Variants in NTNG1 observed in about 807,000 individuals in gnomAD.
NTNG1 encodes netrin-G1.
A neutral mutation model predicts 54.0 loss-of-function variants in NTNG1; 16 were observed. The ratio of observed to expected loss-of-function variants is 0.30; its 90% confidence interval spans 0.20 to 0.45. NTNG1 has a LOEUF of 0.45. Among genes scored for constraint, NTNG1 ranks in the 20% least tolerant of loss-of-function variants. The pLI, the probability that NTNG1 is intolerant of heterozygous loss-of-function variation, is 1.00. For synonymous variants in NTNG1, 255 were observed against 263.1 expected (o/e 0.97, Z 0.30); for missense variants, 530 against 678.7 (o/e 0.78, Z 2.43).
chr1:107,320,214 G>A (rs1667575271), intron 2 of NTNG1, among the ~76,000 whole-genome samples: 1 of 152,006 alleles, frequency 6.6e-6, no homozygotes, highest in Admixed American at 6.6e-5. Context: ...ATTTGTTAGT[G>A]GTGTAAATAT....
rs963740404 is a variant in NTNG1, at chr1:107,481,258, T to G, written c.*418T>G. The G allele has an allele frequency of 5.5e-6, 1 of 181,626 alleles. No homozygotes were observed. 11.3% of individuals were successfully genotyped at this position (181,626 alleles called of 1,614,324 possible). The stretch of plus-strand genomic sequence containing the variant: ...CCAAATAGCATTCTTTGCTGTCAGG[T>G]GCATTGTGGGCATAAGGAAATCTGT... On this transcript the variant is annotated 3_prime_UTR_variant, in exon 8 of 8. Transcript: ENST00000370068.
chr1:107,217,021 G>T (rs1660012344), intron 2 of NTNG1, among the ~76,000 whole-genome samples: 1 of 152,120 alleles, frequency 6.6e-6, no homozygotes, highest in South Asian at 2.1e-4. Context: ...AATAGGATTG[G>T]TACCAGTTTT....
At chr1:107,155,236 T>C (rs902126995) in intron 2 of NTNG1, among the ~76,000 whole-genome samples, 1 of 151,966 alleles carries the variant, frequency 6.6e-6, no homozygotes, top group African/African-American at 2.4e-5. Flanking sequence ...TGAGGACTAG[T>C]GTTATCACCA....
intron 7 of NTNG1, among the ~76,000 whole-genome samples, chr1:107,453,332 A>G (rs778339571): frequency 3.3e-5 from 5 of 152,218 alleles, no homozygotes; most frequent in African/African-American, 4.8e-5. Context: ...ACAGAAAATA[A>G]TGTTCCTCTA....
At chr1:107,465,907 C>T (rs1677575697) in intron 7 of NTNG1, among the ~76,000 whole-genome samples, 1 of 152,112 alleles carries the variant, frequency 6.6e-6, no homozygotes, top group South Asian at 2.1e-4. Flanking sequence ...ATGTTTCTGG[C>T]CTTTTAATTA....
chr1:107,388,925 A>T (rs11577034), intron 3 of NTNG1, among the ~76,000 whole-genome samples: 34,171 of 152,006 alleles, frequency 0.22, 4,097 homozygotes, highest in Middle Eastern at 0.25. Flanking sequence ...AAGCTCCAAT[A>T]TTTGTGCTAA....
intron 6 of NTNG1, 88 bp from the exon 7 acceptor site, chr1:107,436,577 A>AT (rs1557998707): frequency 1.9e-6 from 2 of 1,054,920 alleles, no homozygotes; most frequent in East Asian, 5.5e-5. Context: ...TAAGTAAGTG[A>AT]TGCATTTAAG....
At chr1:107,469,344 A>T (rs1379514256) in intron 7 of NTNG1, among the ~76,000 whole-genome samples, 1 of 152,128 alleles carries the variant, frequency 6.6e-6, no homozygotes, top group African/African-American at 2.4e-5. Flanking sequence ...CAAGTTTTCC[A>T]TGTGTTAGTT....
chr1:107,178,216 T>G (rs1656790845), intron 2 of NTNG1, among the ~76,000 whole-genome samples: 1 of 152,196 alleles, frequency 6.6e-6, no homozygotes, highest in Non-Finnish European at 1.5e-5. Flanking sequence ...TATAATTTTA[T>G]TTTATTTTGC....
At chr1:107,165,308 C>G (rs1655706875) in intron 2 of NTNG1, among the ~76,000 whole-genome samples, 1 of 152,100 alleles carries the variant, frequency 6.6e-6, no homozygotes, top group Admixed American at 6.5e-5. Flanking sequence ...TGAAGAGAAA[C>G]TTGGAATTCA....
At chr1:107,160,527 T>C (rs1204335788) in intron 2 of NTNG1, among the ~76,000 whole-genome samples, 1 of 152,116 alleles carries the variant, frequency 6.6e-6, no homozygotes, top group Non-Finnish European at 1.5e-5. Context: ...TAAGCTATTA[T>C]AAAATAGAGA....
intron 2 of NTNG1, 103 bp from the exon 3 acceptor site, chr1:107,324,179 A>ATT: frequency 4.0e-6 from 4 of 997,958 alleles, no homozygotes; most frequent in Non-Finnish European, 6.0e-6. Context: ...CTGAAAACAG[A>ATT]TTTTTTTTTT....
At chr1:107,273,432 G>A (rs1664273960) in intron 2 of NTNG1, among the ~76,000 whole-genome samples, 1 of 152,222 alleles carries the variant, frequency 6.6e-6, no homozygotes, top group South Asian at 2.1e-4. Context: ...GCCTTTGAAA[G>A]TGCAAAATGT....
intron 2 of NTNG1, among the ~76,000 whole-genome samples, chr1:107,220,244 G>A (rs996036230): frequency 6.6e-6 from 1 of 152,190 alleles, no homozygotes; most frequent in Non-Finnish European, 1.5e-5. Context: ...CAGGCAGCTG[G>A]TGGTCAGAGC....
intron 2 of NTNG1, among the ~76,000 whole-genome samples, chr1:107,224,591 T>C (rs1204913430): frequency 6.6e-6 from 1 of 152,056 alleles, no homozygotes; most frequent in African/African-American, 2.4e-5. Flanking sequence ...TTGAGTAGCT[T>C]CTTTTGTGGT....
intron 7 of NTNG1, among the ~76,000 whole-genome samples, chr1:107,463,698 GT>G (rs1199889065): frequency 3.3e-5 from 5 of 152,044 alleles, no homozygotes; most frequent in Admixed American, 3.3e-4. Context: ...AAATGTACTT[GT>G]GGCTTGCAAG....
intron 2 of NTNG1, among the ~76,000 whole-genome samples, chr1:107,288,192 C>T (rs1381491458): frequency 1.3e-5 from 2 of 152,052 alleles, no homozygotes; most frequent in African/African-American, 4.8e-5. Flanking sequence ...CTGATATGCA[C>T]ATGAGGTAAA....
intron 3 of NTNG1, among the ~76,000 whole-genome samples, chr1:107,371,984 C>G (rs544018100): frequency 1.0e-3 from 159 of 152,080 alleles, no homozygotes; most frequent in Non-Finnish European, 2.0e-3. Flanking sequence ...ACATTTTAGA[C>G]TTTGAAGCAT....
intron 2 of NTNG1, among the ~76,000 whole-genome samples, chr1:107,249,057 G>T (rs1392511926): frequency 1.3e-4 from 19 of 151,666 alleles, no homozygotes; most frequent in East Asian, 1.2e-3. Context: ...TTCTTGGGAG[G>T]CTGAGGCAGG....
Sources: gnomAD v4.1 joint callset for allele counts (sites outside exome capture counted in the v4.1 genomes callset) on GRCh38, gnomAD v4.1.1 for gene constraint, MANE v1.5 for transcripts, NCBI Gene and HGNC (gene_info 2026-07-23, HGNC 2026-07-21) for gene names.